The following SCN9A variants were observed in gnomAD, a reference collection of about 807,000 sequenced individuals.
The protein encoded by SCN9A is sodium voltage-gated channel alpha subunit 9.
Under a neutral mutation model 187.0 loss-of-function variants are expected in SCN9A, and 131 were observed. The ratio of observed to expected loss-of-function variants is 0.70; its 90% confidence interval spans 0.61 to 0.81. The LOEUF (loss-of-function observed/expected upper bound fraction) is 0.81. Ranked by LOEUF, SCN9A falls within the 30% of genes least tolerant of loss-of-function variation. The pLI, the probability that SCN9A is intolerant of heterozygous loss-of-function variation, is 0.00. For synonymous variants in SCN9A, 809 were observed against 808.6 expected (o/e 1.00, Z -0.01); for missense variants, 2,252 against 2,396.6 (o/e 0.94, Z 1.26).
chr2:166,292,691 A>G (rs1698129829), intron 9 of SCN9A, among the ~76,000 whole-genome samples: 2 of 152,172 alleles, frequency 1.3e-5, no homozygotes, highest in South Asian at 4.1e-4. Flanking sequence ...GGAAATAGCC[A>G]CATGAATTAC....
At chr2:166,260,708 A>G (rs1373439601) in intron 17 of SCN9A, among the ~76,000 whole-genome samples, 2 of 151,872 alleles carry the variant, frequency 1.3e-5, no homozygotes, top group Admixed American at 6.6e-5. Flanking sequence ...TTTAGGAGAG[A>G]AAAACTCTAT....
chr2:166,254,243 T>C (rs1696169431), intron 17 of SCN9A, among the ~76,000 whole-genome samples: 1 of 151,690 alleles, frequency 6.6e-6, no homozygotes, highest in Non-Finnish European at 1.5e-5. Context: ...AATTTGTATT[T>C]ACAGACAAAT....
At chr2:166,214,503 C>CT (rs34494272) in intron 24 of SCN9A, among the ~76,000 whole-genome samples, 1,550 of 64,250 alleles carry the variant, frequency 0.024, 93 homozygotes, top group African/African-American at 0.087. Context: ...TACAATCTTT[C>CT]TTTTTTTTTT....
chr2:166,346,973 T>A (rs1427404547), intron 1 of SCN9A, among the ~76,000 whole-genome samples: 2 of 152,184 alleles, frequency 1.3e-5, no homozygotes, highest in Non-Finnish European at 2.9e-5. Context: ...ATATTTCAAA[T>A]GAAAAAATAA....
intron 24 of SCN9A, among the ~76,000 whole-genome samples, chr2:166,219,625 G>T (rs964489318): frequency 1.3e-5 from 2 of 152,000 alleles, no homozygotes; most frequent in African/African-American, 4.8e-5. Context: ...TGCATACTGG[G>T]ATTAATACCT....
intron 1 of SCN9A, among the ~76,000 whole-genome samples, chr2:166,349,497 C>T (rs938402751): frequency 6.6e-5 from 10 of 152,282 alleles, no homozygotes; most frequent in African/African-American, 1.9e-4. Flanking sequence ...TACTAATCTA[C>T]TGTGTACTTC....
rs1391394370 is a variant in SCN9A, at chr2:166,196,557, A to G, written c.*2115T>C. 1 of 152,188 alleles carries G rather than the reference A, an allele frequency of 6.6e-6. No homozygotes were observed. Among genetic ancestry groups the G allele is most frequent in the Admixed American group, 6.5e-5 (1 of 15,282 alleles). 9.4% of individuals were successfully genotyped at this position (152,188 alleles called of 1,614,324 possible). On this transcript the variant is annotated 3_prime_UTR_variant, in exon 27 of 27. Coordinates refer to ENST00000642356, the MANE Select transcript of SCN9A (RefSeq NM_001365536.1). ...TCTTGTCTTACTACATTATGTAAGTATTCATAATGCAGTTATATTTGTGAG... is the reference window on the plus strand; with the variant it reads ...TCTTGTCTTACTACATTATGTAAGTGTTCATAATGCAGTTATATTTGTGAG...
intron 18 of SCN9A, among the ~76,000 whole-genome samples, chr2:166,245,939 T>C (rs747589920): frequency 6.6e-6 from 1 of 152,068 alleles, no homozygotes; most frequent in Non-Finnish European, 1.5e-5. Flanking sequence ...TTCTGAAGTC[T>C]AATTAGTGCA....
intron 16 of SCN9A, among the ~76,000 whole-genome samples, chr2:166,273,254 C>CATT (rs1450155800): frequency 6.6e-6 from 1 of 152,116 alleles, no homozygotes; most frequent in East Asian, 1.9e-4. Context: ...ATTCATCTAT[C>CATT]ATTACTCTTT....
rs201694494 is a variant in SCN9A, at chr2:166,195,586, C to G, written c.*3086G>C. ...TTTACATATGCATTTTATTTTCACT[C>G]TTTTTAATAAAGCTATCAAAACTCT... On this transcript the variant is annotated 3_prime_UTR_variant, in exon 27 of 27. Coordinates refer to ENST00000642356, the MANE Select transcript of SCN9A (RefSeq NM_001365536.1). The G allele has an allele frequency of 6.6e-6, 1 of 152,126 alleles. No individual in the cohort carries two copies. Among genetic ancestry groups the G allele is most frequent in the Non-Finnish European group, 1.5e-5 (1 of 68,018 alleles). The allele number at this position is 152,126 out of a possible 1,614,324, so 9.4% of individuals were successfully genotyped here.
At chr2:166,213,303 T>C (rs1694175036) in intron 24 of SCN9A, among the ~76,000 whole-genome samples, 1 of 151,526 alleles carries the variant, frequency 6.6e-6, no homozygotes, top group African/African-American at 2.4e-5. Flanking sequence ...AATTTACAAC[T>C]GATTTTATGG....
Position 166,197,315 on chromosome 2 carries a change from G to A in SCN9A, c.*1357C>T, listed in dbSNP as rs200338267. On this transcript the variant is annotated 3_prime_UTR_variant, in exon 27 of 27. Transcript: ENST00000642356. ...AAAAAACTAGATGTCTACAGCTAAT[G>A]CAAAATGAATATGTGCTTGATAAAT... 3.3e-5 allele frequency: 5 copies of A among 152,116 alleles called. No individual in the cohort carries two copies. The highest frequency in any genetic ancestry group is 1.3e-4 in the Admixed American group (2 of 15,262). 9.4% of individuals were successfully genotyped at this position (152,116 alleles called of 1,614,324 possible). A position where few individuals can be genotyped will look rare whatever the true frequency, so the allele number is the denominator to read the frequency against.
At chr2:166,218,170 C>G (rs188988648) in intron 24 of SCN9A, among the ~76,000 whole-genome samples, 1 of 147,918 alleles carries the variant, frequency 6.8e-6, no homozygotes, top group Non-Finnish European at 1.5e-5. Context: ...TCATTCATCC[C>G]AACATGAATG....
intron 18 of SCN9A, among the ~76,000 whole-genome samples, chr2:166,247,733 T>A (rs1695857835): frequency 6.6e-6 from 1 of 152,164 alleles, no homozygotes; most frequent in African/African-American, 2.4e-5. Context: ...GCCAGGATGG[T>A]CTCGATCTCT....
chr2:166,307,053 C>T lies in SCN9A; in HGVS notation c.280G>A (p.Gly94Arg), dbSNP rs1698784697. 1.9e-6 allele frequency: 3 copies of T among 1,607,030 alleles called. No homozygotes were observed. Among genetic ancestry groups the T allele is most frequent in the African/African-American group, 2.7e-5 (2 of 74,862 alleles). ...GCATTGAAACGGAAGATTGTTTTCC[C>T]TTTGTTCAATACTATGAAAGTCTGC... ...DKKTFIVLNKGKTIFRFNATP... is the reference protein window; with the variant it reads ...DKKTFIVLNKRKTIFRFNATP... The change falls in exon 3 of 27, where the codon GGG becomes AGG. Residue 94 changes from glycine (G) to arginine (R), a missense_variant. Around this residue, in one of 7 missense-constraint regions of SCN9A, gnomAD observed 1,013 missense variants for 997.4 expected, o/e 1.02. Coordinates refer to ENST00000642356, the MANE Select transcript of SCN9A (RefSeq NM_001365536.1).
intron 1 of SCN9A, among the ~76,000 whole-genome samples, chr2:166,358,082 ATTTT>A (rs1031988378): frequency 7.2e-6 from 1 of 138,196 alleles, no homozygotes; most frequent in African/African-American, 2.7e-5. Flanking sequence ...TTATTTATTT[ATTTT>A]GAGATGGAGT....
In SCN9A at chr2:166,288,118, T is replaced by TACACAC. The variant is rs1319223544; in HGVS notation, c.1314+318_1314+319insGTGTGT. On this transcript the variant is annotated intron_variant, in intron 10 of 26. Coordinates refer to ENST00000642356, the MANE Select transcript of SCN9A (RefSeq NM_001365536.1). ...TTATATATATATATATATATATATA[T>TACACAC]ATACACACACATTTATATGTATATG... 7.6e-4 allele frequency among the ~76,000 whole-genome samples: 73 copies of TACACAC among 96,224 alleles called. 1 individual carries two copies. Among genetic ancestry groups the TACACAC allele is most frequent in the South Asian group, 4.9e-3 (15 of 3,062 alleles). The allele number at this position is 96,224 out of a possible 152,430, so 63.1% of individuals were successfully genotyped here.
At chr2:166,248,706 G>A (rs182025388) in intron 18 of SCN9A, among the ~76,000 whole-genome samples, 14 of 152,130 alleles carry the variant, frequency 9.2e-5, no homozygotes, top group Admixed American at 2.6e-4. Flanking sequence ...TTCCTCTGTC[G>A]TCCAGGCTGG....
At chr2:166,258,485 C>A (rs1696372527) in intron 17 of SCN9A, among the ~76,000 whole-genome samples, 1 of 151,454 alleles carries the variant, frequency 6.6e-6, no homozygotes, top group African/African-American at 2.4e-5. Flanking sequence ...GGCCTATCAA[C>A]TTTTAACTGA....
Sources: gnomAD v4.1 joint callset for allele counts (sites outside exome capture counted in the v4.1 genomes callset) on GRCh38, gnomAD v4.1.1 for gene constraint, gnomAD v4.1.1 regional missense constraint, MANE v1.5 for transcripts, NCBI Gene and HGNC (gene_info 2026-07-23, HGNC 2026-07-21) for gene names.